Variants in C12orf42 observed in about 807,000 individuals in gnomAD.
C12orf42 encodes the protein uncharacterized protein C12orf42.
Under a neutral mutation model 21.6 loss-of-function variants are expected in C12orf42, and 25 were observed. The observed-to-expected ratio is 1.16, with a 90% CI of 0.84 to 1.62. The LOEUF is 1.62. Among genes scored for constraint, C12orf42 ranks in the 40% most tolerant of loss-of-function variants. The pLI is 0.00. For missense variants in C12orf42, 483 were observed against 459.3 expected (o/e 1.05, Z -0.47); for synonymous variants, 174 against 175.0 (o/e 0.99, Z 0.05).
At chr12:103,365,440 C>T (rs574389636) in intron 4 of C12orf42, among the ~76,000 whole-genome samples, 2 of 152,170 alleles carry the variant, frequency 1.3e-5, no homozygotes, top group South Asian at 4.1e-4. Context: ...ACTCTCAACA[C>T]TTCTATTCAA....
the C12orf42 span, among the ~76,000 whole-genome samples, chr12:103,175,077 T>A: frequency 6.6e-6 from 1 of 152,212 alleles, no homozygotes; most frequent in South Asian, 2.1e-4. Flanking sequence ...TTGCTCAAAA[T>A]GCAAGGATAT....
chr12:103,481,120 T>C (rs1212278932), intron 1 of C12orf42, among the ~76,000 whole-genome samples: 6 of 151,918 alleles, frequency 3.9e-5, no homozygotes, highest in Non-Finnish European at 5.9e-5. Flanking sequence ...TATAGCTTTC[T>C]TCTTTATCTC....
At chr12:103,319,165 C>T (rs1190610185) in intron 4 of C12orf42, among the ~76,000 whole-genome samples, 6 of 152,144 alleles carry the variant, frequency 3.9e-5, no homozygotes, top group Non-Finnish European at 8.8e-5. Flanking sequence ...ATATGTGAAC[C>T]TTTTAAATCA....
chr12:103,144,529 T>C, the C12orf42 span, among the ~76,000 whole-genome samples: 1 of 152,228 alleles, frequency 6.6e-6, no homozygotes, highest in East Asian at 1.9e-4. Flanking sequence ...GATGCCGCCG[T>C]GGGCTAGGCA....
the C12orf42 span, among the ~76,000 whole-genome samples, chr12:103,548,449 A>G: frequency 6.6e-6 from 1 of 152,230 alleles, no homozygotes; most frequent in Non-Finnish European, 1.5e-5. Context: ...CGATTTAGAT[A>G]AAAACAATGA....
Position 103,322,085 on chromosome 12 carries a change from G to T in C12orf42, c.260-15740C>A, listed in dbSNP as rs187686376. Among the ~76,000 whole-genome samples the T allele has an allele frequency of 5.9e-5, 9 of 151,394 alleles. No homozygotes were observed. In the East Asian group the frequency reaches 1.6e-3, roughly 26 times the overall value. On this transcript the variant is annotated intron_variant, in intron 4 of 5. Coordinates refer to ENST00000548883, the MANE Select transcript of C12orf42 (RefSeq NM_198521.5). ...TTATATAGTAATTATGTTTTATTCT[G>T]TCTTCTCAGATGTGCACGCGCGTGC...
chr12:103,246,890 A>G (rs2034035266), intron 10 of C12orf42, among the ~76,000 whole-genome samples: 1 of 152,128 alleles, frequency 6.6e-6, no homozygotes, highest in African/African-American at 2.4e-5. Flanking sequence ...TTTGGGTGTG[A>G]AATTTATCAG....
At chr12:103,261,356 C>G (rs999629246) in intron 10 of C12orf42, among the ~76,000 whole-genome samples, 1 of 151,876 alleles carries the variant, frequency 6.6e-6, no homozygotes, top group African/African-American at 2.4e-5. Flanking sequence ...GTGGTATATG[C>G]CTGTAGTCCC....
At chr12:103,150,478 G>T in the C12orf42 span, among the ~76,000 whole-genome samples, 1 of 152,292 alleles carries the variant, frequency 6.6e-6, no homozygotes, top group Non-Finnish European at 1.5e-5. Flanking sequence ...CACACCATAG[G>T]CTAGCCACTG....
At chr12:103,528,963 G>A in the C12orf42 span, among the ~76,000 whole-genome samples, 2 of 152,144 alleles carry the variant, frequency 1.3e-5, no homozygotes, top group African/African-American at 4.8e-5. Context: ...GGCGGTGAGT[G>A]GTAGGGCAGA....
the C12orf42 span, among the ~76,000 whole-genome samples, chr12:103,501,854 AT>A: frequency 6.6e-6 from 1 of 152,100 alleles, no homozygotes; most frequent in East Asian, 1.9e-4. Context: ...TTTAACTCAC[AT>A]TGGGTTTTAA....
chr12:103,491,589 G>A (rs1169916088), intron 1 of C12orf42, among the ~76,000 whole-genome samples: 1 of 152,314 alleles, frequency 6.6e-6, no homozygotes, highest in East Asian at 1.9e-4. Context: ...CCTGTGCTCA[G>A]ACATGGCAGG....
intron 3 of C12orf42, among the ~76,000 whole-genome samples, chr12:103,386,481 A>G (rs746967834): frequency 3.3e-5 from 5 of 152,028 alleles, no homozygotes; most frequent in African/African-American, 4.8e-5. Flanking sequence ...CTAAAACTCA[A>G]CTGATCAATG....
the C12orf42 span, among the ~76,000 whole-genome samples, chr12:103,100,470 C>T: frequency 2.0e-5 from 3 of 152,226 alleles, no homozygotes; most frequent in Non-Finnish European, 4.4e-5. Flanking sequence ...TTAGTTGCAA[C>T]GTGTGGCACC....
At chr12:103,362,456 C>T (rs2044201838) in intron 4 of C12orf42, among the ~76,000 whole-genome samples, 1 of 151,926 alleles carries the variant, frequency 6.6e-6, no homozygotes, top group Admixed American at 6.6e-5. Flanking sequence ...GGTTCTTTAC[C>T]ACCCCCCAAA....
At chr12:103,169,541 G>A in the C12orf42 span, among the ~76,000 whole-genome samples, 1 of 152,136 alleles carries the variant, frequency 6.6e-6, no homozygotes, top group African/African-American at 2.4e-5. Flanking sequence ...TGGTTAGTAT[G>A]TATAAGAAAT....
At chr12:103,389,452 A>C (rs1397420554) in intron 3 of C12orf42, among the ~76,000 whole-genome samples, 3 of 152,208 alleles carry the variant, frequency 2.0e-5, no homozygotes, top group African/African-American at 7.2e-5. Flanking sequence ...TCCTTCTAGA[A>C]GTCAAATTTC....
the C12orf42 span, among the ~76,000 whole-genome samples, chr12:103,551,560 T>C: frequency 6.6e-6 from 1 of 152,268 alleles, no homozygotes; most frequent in Non-Finnish European, 1.5e-5. Flanking sequence ...CTCATGCCTG[T>C]AATCCCAGCA....
At chr12:103,115,208 C>A in the C12orf42 span, among the ~76,000 whole-genome samples, 1 of 152,200 alleles carries the variant, frequency 6.6e-6, no homozygotes, top group Non-Finnish European at 1.5e-5. Context: ...GCAATAAATG[C>A]TCTCAAATTG....
Sources: allele counts gnomAD v4.1 joint callset (sites outside exome capture counted in the v4.1 genomes callset), GRCh38; gene constraint gnomAD v4.1.1; transcripts MANE v1.5; gene names NCBI Gene and HGNC (gene_info 2026-07-23, HGNC 2026-07-21).